Variants in RORA observed in about 807,000 individuals in gnomAD.
RORA encodes the protein RAR related orphan receptor A, also known as nuclear receptor ROR-alpha.
Under a neutral mutation model 69.5 loss-of-function variants are expected in RORA, and 7 were observed. That is an observed-to-expected ratio of 0.10 (90% CI 0.06 to 0.19). The LOEUF is 0.19. Among genes scored for constraint, RORA ranks in the 10% least tolerant of loss-of-function variants. The pLI, the probability that RORA is intolerant of heterozygous loss-of-function variation, is 1.00. For missense variants in RORA, 457 were observed against 663.0 expected (o/e 0.69, Z 3.41); for synonymous variants, 261 against 240.8 (o/e 1.08, Z -0.78).
chr15:60,973,038 A>G (rs1040332249), intron 1 of RORA, among the ~76,000 whole-genome samples: 1 of 151,650 alleles, frequency 6.6e-6, no homozygotes, highest in African/African-American at 2.4e-5. Flanking sequence ...TTGCTAAGTC[A>G]TCCGATGACT....
chr15:60,746,177 A>T (rs2071645955), intron 1 of RORA, among the ~76,000 whole-genome samples: 1 of 152,232 alleles, frequency 6.6e-6, no homozygotes, highest in South Asian at 2.1e-4. Flanking sequence ...AAAATCCAAA[A>T]GTCAGAGTTG....
At chr15:60,561,076 G>GTT (rs138552777) in intron 2 of RORA, among the ~76,000 whole-genome samples, 2 of 129,408 alleles carry the variant, frequency 1.5e-5, no homozygotes, top group African/African-American at 5.6e-5. Context: ...TTTTTGTTTT[G>GTT]TTTTTGTTTT....
intron 1 of RORA, among the ~76,000 whole-genome samples, chr15:61,057,899 A>G (rs1013672447): frequency 1.3e-5 from 2 of 152,208 alleles, no homozygotes; most frequent in Non-Finnish European, 2.9e-5. Flanking sequence ...CGGATGGGGA[A>G]GTTTGAAGGA....
At chr15:60,940,462 G>C (rs1351670230) in intron 1 of RORA, among the ~76,000 whole-genome samples, 3 of 152,182 alleles carry the variant, frequency 2.0e-5, no homozygotes, top group African/African-American at 7.2e-5. Context: ...AAAATACAGA[G>C]ACAGAAAGCT....
chr15:61,121,149 C>CAATT (rs1338978299), intron 1 of RORA, among the ~76,000 whole-genome samples: 1 of 152,126 alleles, frequency 6.6e-6, no homozygotes, highest in African/African-American at 2.4e-5. Context: ...CATGCCCAGC[C>CAATT]AATTAAGCCT....
chr15:60,536,585 T>A (rs956842252), intron 2 of RORA, among the ~76,000 whole-genome samples: 3 of 152,262 alleles, frequency 2.0e-5, no homozygotes, highest in Non-Finnish European at 4.4e-5. Context: ...AATTAAAGTT[T>A]TTTATTGGTT....
intron 1 of RORA, among the ~76,000 whole-genome samples, chr15:61,202,722 G>C (rs1402536509): frequency 6.6e-6 from 1 of 151,842 alleles, no homozygotes; most frequent in East Asian, 1.9e-4. Flanking sequence ...CCTTGCCCAA[G>C]GAAGTAAAAA....
At chr15:60,969,473 G>A (rs1240258388) in intron 1 of RORA, among the ~76,000 whole-genome samples, 1 of 152,148 alleles carries the variant, frequency 6.6e-6, no homozygotes, top group Non-Finnish European at 1.5e-5. Context: ...ACTTCTCTAG[G>A]TAGACCAAAG....
At chr15:60,592,497 G>GCCT (rs2068559583) in intron 2 of RORA, 1 of 1,326,248 alleles carries the variant, frequency 7.5e-7, no homozygotes, top group Non-Finnish European at 9.6e-7. Flanking sequence ...CGCCGCCGCC[G>GCCT]CCCGAGCCAC....
In RORA at chr15:61,147,766, C is replaced by CGTGTGTGTGTGTGTGTGTGT. The variant is rs10523030; in HGVS notation, c.166+81267_166+81286dup. On this transcript the variant is annotated intron_variant, in intron 1 of 10. Coordinates refer to ENST00000335670, the MANE Select transcript of RORA (RefSeq NM_134261.3). The surrounding 1 kb of genome is among the most constrained non-coding windows in gnomAD (Gnocchi z 4.1). Reference sequence around the variant, plus strand: ...TGGTCAGTAGGCACGTGCGCACACGCGTGTGTGTGTGTGTGTGTGTGTGTG... The same window carrying CGTGTGTGTGTGTGTGTGTGT: ...TGGTCAGTAGGCACGTGCGCACACGCGTGTGTGTGTGTGTGTGTGTGTGTGTGTGTGTGTGTGTGTGTGTG... Among the ~76,000 whole-genome samples, 105 of 147,694 alleles carry CGTGTGTGTGTGTGTGTGTGT rather than the reference C, an allele frequency of 7.1e-4. No individual in the cohort carries two copies. Among genetic ancestry groups the CGTGTGTGTGTGTGTGTGTGT allele is most frequent in the East Asian group, 1.6e-3 (8 of 4,850 alleles).
In RORA at chr15:60,497,086, ACT is replaced by A. The variant is rs530998551; in HGVS notation, c.*367_*368del. 1.9e-3 allele frequency: 337 copies of A among 173,374 alleles called. No homozygotes were observed. Among genetic ancestry groups the A allele is most frequent in the African/African-American group, 7.7e-3 (323 of 42,098 alleles). The allele number at this position is 173,374 out of a possible 1,614,324, so 10.7% of individuals were successfully genotyped here. A position where few individuals can be genotyped will look rare whatever the true frequency, so the allele number is the denominator to read the frequency against. On this transcript the variant is annotated 3_prime_UTR_variant, in exon 11 of 11. Transcript: ENST00000335670. ...CACACCAGTCACCGATTATTGCTGGACTCTCTGTTGTTACTGACAGATTGGTG... is the reference window on the plus strand; with the variant it reads ...CACACCAGTCACCGATTATTGCTGGACTCTGTTGTTACTGACAGATTGGTG...
intron 4 of RORA, among the ~76,000 whole-genome samples, 154 bp downstream of exon 4, chr15:60,514,462 C>T (rs1243688294): frequency 6.6e-6 from 1 of 152,116 alleles, no homozygotes; most frequent in Non-Finnish European, 1.5e-5. Flanking sequence ...GCTGTGAGTT[C>T]CATGTAGCTG....
At chr15:60,770,944 C>T (rs555692884) in intron 1 of RORA, among the ~76,000 whole-genome samples, 2 of 152,186 alleles carry the variant, frequency 1.3e-5, no homozygotes, top group African/African-American at 2.4e-5. Flanking sequence ...CAGATAAGCA[C>T]CAAATAATAT....
rs140474223 is a variant in RORA at position 60,499,336 on chromosome 15, A to C, written c.1407+556T>G. Among the ~76,000 whole-genome samples, 48 of 152,318 alleles carry C rather than the reference A, an allele frequency of 3.2e-4. No homozygotes were observed. The East Asian group carries it at 8.7e-3, about 28-fold the overall frequency. On this transcript the variant is annotated intron_variant, in intron 10 of 10. Transcript: ENST00000335670. ...TGCTTGAGGCCAGGAGTTCGAGACCAGCCTGGGCAACATAGCAAGATACCC... is the reference window on the plus strand; with the variant it reads ...TGCTTGAGGCCAGGAGTTCGAGACCCGCCTGGGCAACATAGCAAGATACCC...
At chr15:60,689,409 C>A (rs2070790908) in intron 1 of RORA, among the ~76,000 whole-genome samples, 1 of 152,086 alleles carries the variant, frequency 6.6e-6, no homozygotes, top group Non-Finnish European at 1.5e-5. Context: ...GATTGACATA[C>A]CTTGTTATAT....
At chr15:61,164,298 C>T (rs1216618936) in intron 1 of RORA, among the ~76,000 whole-genome samples, 2 of 152,206 alleles carry the variant, frequency 1.3e-5, no homozygotes, top group African/African-American at 2.4e-5. Context: ...CCAGCAGCGG[C>T]TGGCAGGCTG....
intron 1 of RORA, among the ~76,000 whole-genome samples, chr15:61,071,113 T>C (rs1387113128): frequency 4.0e-5 from 6 of 148,946 alleles, no homozygotes; most frequent in Middle Eastern, 3.5e-3. Flanking sequence ...CTTATGCATA[T>C]GTAGCACTAA....
chr15:61,045,402 C>T (rs1170769489), intron 1 of RORA, among the ~76,000 whole-genome samples: 1 of 152,166 alleles, frequency 6.6e-6, no homozygotes, highest in Non-Finnish European at 1.5e-5. Context: ...CTCGGGAATA[C>T]CTGGGTTATA....
chr15:60,922,444 A>G (rs1031983679), intron 1 of RORA, among the ~76,000 whole-genome samples: 1 of 152,156 alleles, frequency 6.6e-6, no homozygotes, highest in African/African-American at 2.4e-5. Context: ...TTTCTGTTCA[A>G]TCTTTCTGTG....
Sources: gnomAD v4.1 joint callset for allele counts (sites outside exome capture counted in the v4.1 genomes callset) on GRCh38, gnomAD v4.1.1 for gene constraint, Gnocchi (gnomAD v3.1) non-coding constraint, MANE v1.5 for transcripts, NCBI Gene and HGNC (gene_info 2026-07-23, HGNC 2026-07-21) for gene names.